Variants in SEMA5A observed in about 807,000 individuals in gnomAD.
SEMA5A encodes the protein semaphorin 5A.
Under a neutral mutation model 135.5 loss-of-function variants are expected in SEMA5A, and 55 were observed. The ratio of observed to expected loss-of-function variants is 0.41; its 90% CI spans 0.33 to 0.51. The LOEUF is 0.51. Among genes scored for constraint, SEMA5A ranks in the 20% least tolerant of loss-of-function variants. SEMA5A has a pLI of 0.37. For missense variants in SEMA5A, 1,290 were observed against 1,419.9 expected (o/e 0.91, Z 1.47); for synonymous variants, 580 against 546.5 (o/e 1.06, Z -0.85).
rs144917612 is a variant in SEMA5A at position 9,187,850 on chromosome 5, C to T, written c.1273+2417G>A. 2.1e-3 allele frequency among the ~76,000 whole-genome samples: 320 copies of T among 152,352 alleles called. 6 individuals carry two copies. The highest frequency in any genetic ancestry group is 7.2e-3 in the African/African-American group (301 of 41,586). ...ATCAGATGGTCTGGAATCCCTGCGG[C>T]AGCTGAGTCCTGAGCTACTCTCAAC... is the stretch of plus-strand genomic sequence containing the variant. On this transcript the variant is annotated intron_variant, in intron 11 of 22. Coordinates refer to ENST00000382496, the MANE Select transcript of SEMA5A (RefSeq NM_003966.3).
rs922419042 is a variant in SEMA5A at position 9,525,300 on chromosome 5, C to G, written c.-175+20284G>C. ...TATTATTTCACCTTTTACAAGAAAA[C>G]TTTGCTGATCCCTGATTTAACCTAA... On this transcript the variant is annotated intron_variant, in intron 1 of 22. Transcript: ENST00000382496. Among the ~76,000 whole-genome samples the G allele has an allele frequency of 5.3e-5, 8 of 152,168 alleles. No homozygotes were observed. In the East Asian group the frequency reaches 1.3e-3, roughly 26 times the overall value.
At chr5:9,299,047 T>TA (rs1254534885) in intron 5 of SEMA5A, among the ~76,000 whole-genome samples, 1 of 152,180 alleles carries the variant, frequency 6.6e-6, no homozygotes, top group East Asian at 1.9e-4. Context: ...AACCTGCCAT[T>TA]AAAAGCAGAG....
intron 5 of SEMA5A, among the ~76,000 whole-genome samples, chr5:9,256,978 A>T (rs982089659): frequency 2.0e-5 from 3 of 152,240 alleles, no homozygotes; most frequent in African/African-American, 4.8e-5. Flanking sequence ...TTCTTGGTTC[A>T]TAAAATTGTT....
intron 18 of SEMA5A, among the ~76,000 whole-genome samples, chr5:9,061,390 G>T (rs1275090568): frequency 6.6e-6 from 1 of 152,144 alleles, no homozygotes; most frequent in Admixed American, 6.5e-5. Flanking sequence ...CCTGCTGGGA[G>T]CTAAGGTTGC....
intron 5 of SEMA5A, among the ~76,000 whole-genome samples, chr5:9,284,197 G>A (rs1265922995): frequency 6.6e-6 from 1 of 151,996 alleles, no homozygotes; most frequent in African/African-American, 2.4e-5. Context: ...TCCAAATTAG[G>A]AGATTGCTTG....
At chr5:9,374,264 G>GAA (rs5865828) in intron 3 of SEMA5A, among the ~76,000 whole-genome samples, 1 of 147,890 alleles carries the variant, frequency 6.8e-6, no homozygotes. Context: ...ACAGAGGCTG[G>GAA]AAAAAAAAAA....
chr5:9,384,236 T>C (rs1220761384), intron 2 of SEMA5A, among the ~76,000 whole-genome samples: 1 of 152,060 alleles, frequency 6.6e-6, no homozygotes, highest in Non-Finnish European at 1.5e-5. Flanking sequence ...CAGCTCTAAA[T>C]AGCAGGTCCC....
At chr5:9,427,903 T>C (rs1255929556) in intron 2 of SEMA5A, among the ~76,000 whole-genome samples, 3 of 152,108 alleles carry the variant, frequency 2.0e-5, no homozygotes, top group Non-Finnish European at 4.4e-5. Flanking sequence ...AACCCTGCCT[T>C]AGTGCACCTA....
At chr5:9,265,331 G>C in intron 5 of SEMA5A, 2 of 429,210 alleles carry the variant, frequency 4.7e-6, no homozygotes, top group South Asian at 3.4e-5. Context: ...GACAGGCCCA[G>C]TTCCTGCCTA....
At chr5:9,350,070 G>C (rs1335507912) in intron 3 of SEMA5A, among the ~76,000 whole-genome samples, 1 of 152,144 alleles carries the variant, frequency 6.6e-6, no homozygotes, top group Non-Finnish European at 1.5e-5. Context: ...TACACGATTG[G>C]ACAGCACATA....
At chr5:9,302,817 A>T (rs1208348750) in intron 5 of SEMA5A, among the ~76,000 whole-genome samples, 2 of 152,210 alleles carry the variant, frequency 1.3e-5, no homozygotes. Context: ...GGCTCTAAAC[A>T]GCAGGAAGAA....
Position 9,242,254 on chromosome 5 carries a change from G to A in SEMA5A, c.271-4364C>T, listed in dbSNP as rs369834198. ...ACCTATAACAGTAACTTTGAGAGAG[G>A]ACATCTTTGCTAATTATAATACCTT... On this transcript the variant is annotated intron_variant, in intron 5 of 22. Coordinates refer to ENST00000382496, the MANE Select transcript of SEMA5A (RefSeq NM_003966.3). Among the ~76,000 whole-genome samples the A allele has an allele frequency of 2.6e-5, 4 of 152,150 alleles. No homozygotes were observed. In the East Asian group the frequency reaches 5.8e-4, roughly 22 times the overall value.
At chr5:9,049,927 C>A (rs1490140775) in intron 21 of SEMA5A, among the ~76,000 whole-genome samples, 1 of 152,172 alleles carries the variant, frequency 6.6e-6, no homozygotes, top group South Asian at 2.1e-4. Flanking sequence ...ACAATTTAGT[C>A]ATTTCAGTGG....
chr5:9,079,287 T>G (rs1317054763), intron 16 of SEMA5A, among the ~76,000 whole-genome samples: 1 of 152,082 alleles, frequency 6.6e-6, no homozygotes, highest in Non-Finnish European at 1.5e-5. Flanking sequence ...ACATGGAAAC[T>G]GAACAACCTG....
At chr5:9,249,899 G>A (rs60685863) in intron 5 of SEMA5A, among the ~76,000 whole-genome samples, 2 of 152,188 alleles carry the variant, frequency 1.3e-5, no homozygotes, top group Non-Finnish European at 2.9e-5. Context: ...CTGGAGAACT[G>A]GACCCCAGGG....
intron 5 of SEMA5A, among the ~76,000 whole-genome samples, chr5:9,251,168 C>G (rs1748753159): frequency 6.6e-6 from 1 of 152,074 alleles, no homozygotes; most frequent in Admixed American, 6.6e-5. Context: ...TCATATGATG[C>G]CTTCCATACT....
Position 9,041,733 on chromosome 5 carries a change from G to A in SEMA5A, c.*1164C>T, listed in dbSNP as rs1366272061. On this transcript the variant is annotated 3_prime_UTR_variant, in exon 23 of 23. Coordinates refer to ENST00000382496, the MANE Select transcript of SEMA5A (RefSeq NM_003966.3). ...GAGCATCTCCTGCTCCCCTGGCCTGGAGGCAGCAAGTAACAGCAGAAACTG... is the reference window on the plus strand; with the variant it reads ...GAGCATCTCCTGCTCCCCTGGCCTGAAGGCAGCAAGTAACAGCAGAAACTG... The A allele has an allele frequency of 6.6e-6, 1 of 152,646 alleles. No individual in the cohort carries two copies. The highest frequency in any genetic ancestry group is 2.4e-5 in the African/African-American group (1 of 41,422). The allele number at this position is 152,646 out of a possible 1,614,324, so 9.5% of individuals were successfully genotyped here.
intron 11 of SEMA5A, among the ~76,000 whole-genome samples, chr5:9,155,501 G>A (rs180897253): frequency 5.3e-4 from 80 of 151,174 alleles, no homozygotes; most frequent in African/African-American, 1.9e-3. Context: ...GCTGCACCCC[G>A]CAACTCCTTG....
At chr5:9,345,140 C>T (rs1168623035) in intron 3 of SEMA5A, among the ~76,000 whole-genome samples, 2 of 152,098 alleles carry the variant, frequency 1.3e-5, no homozygotes, top group African/African-American at 4.8e-5. Context: ...ATGAGGTAAA[C>T]CCACCCCTGT....
Sources: gnomAD v4.1 joint callset for allele counts (sites outside exome capture counted in the v4.1 genomes callset) on GRCh38, gnomAD v4.1.1 for gene constraint, MANE v1.5 for transcripts, NCBI Gene and HGNC (gene_info 2026-07-23, HGNC 2026-07-21) for gene names.